Variants in FKBP1A observed in about 807,000 individuals in gnomAD.
FKBP1A encodes FKBP prolyl isomerase 1A, also known as peptidyl-prolyl cis-trans isomerase FKBP1A.
FKBP1A carries 5 observed loss-of-function variants against 14.2 expected under a neutral mutation model. The observed-to-expected ratio is 0.35, with a 90% CI of 0.18 to 0.74. The LOEUF is 0.74. Ranked by LOEUF, FKBP1A falls within the 30% of genes least tolerant of loss-of-function variation. FKBP1A has a pLI of 0.56. For missense variants in FKBP1A, 53 were observed against 138.8 expected, an observed-to-expected ratio of 0.38 and a Z score of 3.10; for synonymous variants, 42 against 49.1, an observed-to-expected ratio of 0.86 and a Z score of 0.60.
chr20:1,372,003 A>C, intron 4 of FKBP1A, 73 bp downstream of exon 4: 1 of 1,547,030 alleles, frequency 6.5e-7, no homozygotes. Context: ...TCTCTCTGCT[A>C]CCCATCAAAC....
At chr20:1,370,615 A>G in intron 4 of FKBP1A, 5 of 985,396 alleles carry the variant, frequency 5.1e-6, no homozygotes, top group Non-Finnish European at 6.0e-6. Context: ...CTCAACTTAA[A>G]ACTTTCTGGG....
chr20:1,385,426 A>G (rs2089659801), intron 2 of FKBP1A, among the ~76,000 whole-genome samples: 1 of 152,124 alleles, frequency 6.6e-6, no homozygotes, highest in South Asian at 2.1e-4. Flanking sequence ...AACAATAGCT[A>G]GCTGGAAGTG....
At position 1,392,946 on chromosome 20, in the gene FKBP1A, G is replaced by T; in HGVS notation, c.37+16C>A. 6.0e-6 allele frequency: 4 copies of T among 663,418 alleles called. No individual in the cohort carries two copies. Among genetic ancestry groups the T allele is most frequent in the South Asian group, 1.7e-5 (1 of 58,960 alleles). The allele number at this position is 663,418 out of a possible 1,614,324, so 41.1% of individuals were successfully genotyped here. ...GGCGGCAGAGGTACTCCGAGCCGCC[G>T]CGCGCCACTACTCACCGTCTCCTGG... On this transcript the variant is annotated intron_variant, in intron 1 of 4. Coordinates refer to ENST00000400137, the MANE Select transcript of FKBP1A (RefSeq NM_000801.5).
intron 2 of FKBP1A, among the ~76,000 whole-genome samples, chr20:1,385,247 G>A (rs1028595222): frequency 5.3e-5 from 8 of 151,972 alleles, no homozygotes; most frequent in Non-Finnish European, 1.2e-4. Context: ...AAAATCAGCC[G>A]GGCATGGTGG....
chr20:1,390,494 C>T (rs535409047), intron 2 of FKBP1A, among the ~76,000 whole-genome samples: 114 of 152,198 alleles, frequency 7.5e-4, no homozygotes, highest in African/African-American at 2.6e-3. Context: ...AAAACAACAA[C>T]CAAAAAACAG....
chr20:1,382,224 T>C (rs1279590838), intron 2 of FKBP1A, among the ~76,000 whole-genome samples: 1 of 152,190 alleles, frequency 6.6e-6, no homozygotes. Flanking sequence ...GCTGGAGCCC[T>C]TGAACAGTGA....
intron 4 of FKBP1A, 197 bp downstream of exon 4, chr20:1,371,878 AT>A: frequency 7.6e-7 from 1 of 1,308,482 alleles, no homozygotes; most frequent in Non-Finnish European, 9.7e-7. Flanking sequence ...ACACATGCCA[AT>A]TCCTTTCCTT....
At chr20:1,383,120 T>A (rs1395718956) in intron 2 of FKBP1A, among the ~76,000 whole-genome samples, 2 of 152,002 alleles carry the variant, frequency 1.3e-5, no homozygotes, top group Non-Finnish European at 2.9e-5. Flanking sequence ...AATAACCCAA[T>A]AGAAATGGAG....
chr20:1,370,504 A>G lies in FKBP1A; in HGVS notation c.*37-432T>C, dbSNP rs940312807. 5.1e-6 allele frequency: 5 copies of G among 982,762 alleles called. No individual in the cohort carries two copies. The African/African-American group carries it at 8.7e-5, about 17-fold the overall frequency. The allele number at this position is 982,762 out of a possible 1,614,324, so 60.9% of individuals were successfully genotyped here. A position where few individuals can be genotyped will look rare whatever the true frequency, so the allele number is the denominator to read the frequency against. ...ACCTGGGCATCAGGAAAGTCTTAAA[A>G]ATTTCCCAGGTGACTCTCATGTGCA... is the stretch of plus-strand genomic sequence containing the variant. On this transcript the variant is annotated intron_variant, in intron 4 of 4. Transcript: ENST00000400137.
In FKBP1A at chr20:1,370,570, A is replaced by C. The variant is rs1204012656; in HGVS notation, c.*37-498T>G. 4.1e-6 allele frequency: 4 copies of C among 985,316 alleles called. No individual in the cohort carries two copies. The African/African-American group carries it at 7.0e-5, about 17-fold the overall frequency. The allele number at this position is 985,316 out of a possible 1,614,324, so 61.0% of individuals were successfully genotyped here. ...AAACTGGTCATTCATAATGTTGAGT[A>C]TACTGGGAAAATATCTCCAGTATTC... is the stretch of plus-strand genomic sequence containing the variant. On this transcript the variant is annotated intron_variant, in intron 4 of 4. Transcript: ENST00000400137.
Position 1,369,838 on chromosome 20 carries a change from C to T in FKBP1A, c.*271G>A. 1.8e-6 allele frequency: 1 copy of T among 555,128 alleles called. No homozygotes were observed. Among genetic ancestry groups the T allele is most frequent in the South Asian group, 3.4e-5 (1 of 29,518 alleles). The allele number at this position is 555,128 out of a possible 1,614,324, so 34.4% of individuals were successfully genotyped here. Reference sequence around the variant, plus strand: ...CAAAAGACTGAAACTGAATCTTCACCCCAAAATGAAAACAAAATAAAATGA... The same window carrying T: ...CAAAAGACTGAAACTGAATCTTCACTCCAAAATGAAAACAAAATAAAATGA... On this transcript the variant is annotated 3_prime_UTR_variant, in exon 5 of 5. Coordinates refer to ENST00000400137, the MANE Select transcript of FKBP1A (RefSeq NM_000801.5).
chr20:1,380,051 T>A (rs2089599564), intron 2 of FKBP1A, among the ~76,000 whole-genome samples: 1 of 152,106 alleles, frequency 6.6e-6, no homozygotes, highest in South Asian at 2.1e-4. Flanking sequence ...GATTTGTTCA[T>A]GAAACAACCA....
intron 2 of FKBP1A, among the ~76,000 whole-genome samples, chr20:1,389,356 G>A (rs193106454): frequency 1.3e-5 from 2 of 152,324 alleles, no homozygotes; most frequent in Non-Finnish European, 2.9e-5. Context: ...CACGTCAGGG[G>A]AAGCCATCTG....
At chr20:1,380,802 GAACT>G (rs1352060491) in intron 2 of FKBP1A, among the ~76,000 whole-genome samples, 3 of 152,238 alleles carry the variant, frequency 2.0e-5, no homozygotes, top group Admixed American at 6.5e-5. Flanking sequence ...AAGCAACCCA[GAACT>G]AACACAAATG....
intron 2 of FKBP1A, among the ~76,000 whole-genome samples, chr20:1,384,863 C>A (rs551395691): frequency 6.6e-6 from 1 of 152,122 alleles, no homozygotes; most frequent in Non-Finnish European, 1.5e-5. Flanking sequence ...ATTTCCCATA[C>A]GCAGTATGGA....
chr20:1,373,182 TG>T (rs1242992104), intron 3 of FKBP1A: 1 of 152,246 alleles, frequency 6.6e-6, no homozygotes, highest in Non-Finnish European at 1.5e-5. Context: ...TAGTGAGGTA[TG>T]GCTTTACCTT....
chr20:1,387,610 C>G (rs2089681569), intron 2 of FKBP1A, among the ~76,000 whole-genome samples: 1 of 152,060 alleles, frequency 6.6e-6, no homozygotes, highest in African/African-American at 2.4e-5. Flanking sequence ...CTTTGGGAGG[C>G]TAAGGAGGGT....
In FKBP1A at chr20:1,369,020, C is replaced by T. The variant is rs2089424977; in HGVS notation, c.*1089G>A. On this transcript the variant is annotated 3_prime_UTR_variant, in exon 5 of 5. Coordinates refer to ENST00000400137, the MANE Select transcript of FKBP1A (RefSeq NM_000801.5). ...AAGCACTTTTATTGCAATAATAAAACTTGAGACTCATAAATGGTGCTGGGG... is the reference window on the plus strand; with the variant it reads ...AAGCACTTTTATTGCAATAATAAAATTTGAGACTCATAAATGGTGCTGGGG... 1 of 166,858 alleles carries T rather than the reference C, an allele frequency of 6.0e-6. No individual in the cohort carries two copies. The highest frequency in any genetic ancestry group is 2.4e-5 in the African/African-American group (1 of 41,404). 10.3% of individuals were successfully genotyped at this position (166,858 alleles called of 1,614,324 possible). A position where few individuals can be genotyped will look rare whatever the true frequency, so the allele number is the denominator to read the frequency against.
intron 2 of FKBP1A, among the ~76,000 whole-genome samples, chr20:1,382,830 C>T (rs571109016): frequency 4.6e-5 from 7 of 152,194 alleles, no homozygotes. Flanking sequence ...ACGTCATCTT[C>T]GCCTGGGTCT....
Sources: allele counts gnomAD v4.1 joint callset (sites outside exome capture counted in the v4.1 genomes callset), GRCh38; gene constraint gnomAD v4.1.1; transcripts MANE v1.5; gene names NCBI Gene and HGNC (gene_info 2026-07-23, HGNC 2026-07-21).